The following NRXN3 variants were observed in gnomAD, a reference collection of about 807,000 sequenced individuals.
The protein encoded by NRXN3 is neurexin 3.
Under a neutral mutation model 137.6 loss-of-function variants are expected in NRXN3, and 32 were observed. The ratio of observed to expected loss-of-function variants is 0.23; its 90% CI spans 0.18 to 0.31. NRXN3 has a LOEUF of 0.31. Among genes scored for constraint, NRXN3 ranks in the 10% least tolerant of loss-of-function variants. The pLI is 1.00. For synonymous variants in NRXN3, 798 were observed against 784.5 expected (o/e 1.02, Z -0.29); for missense variants, 1,574 against 2,062.5 (o/e 0.76, Z 4.59).
chr14:79,289,921 T>C (rs2082887455), intron 15 of NRXN3, among the ~76,000 whole-genome samples: 1 of 152,138 alleles, frequency 6.6e-6, no homozygotes, highest in East Asian at 1.9e-4. Flanking sequence ...TTACCAGCTA[T>C]TGAGTGGCTA....
chr14:78,192,107 T>TGTGTGTGTGTGA (rs796435942), intron 1 of NRXN3, among the ~76,000 whole-genome samples: 6 of 140,424 alleles, frequency 4.3e-5, no homozygotes, highest in South Asian at 2.4e-4. Context: ...TGTGTGTGTG[T>TGTGTGTGTGTGA]GAGAGAGAGA....
chr14:79,251,713 G>A (rs1401381595), intron 15 of NRXN3, among the ~76,000 whole-genome samples: 2 of 152,056 alleles, frequency 1.3e-5, no homozygotes, highest in East Asian at 3.9e-4. Context: ...TTAAGTGACG[G>A]GTGATAGGAG....
intron 15 of NRXN3, among the ~76,000 whole-genome samples, chr14:79,103,494 G>A (rs773992742): frequency 2.0e-4 from 30 of 152,176 alleles, no homozygotes; most frequent in South Asian, 4.1e-4. Context: ...AGTTTTAAGC[G>A]CCTGGTAGAA....
intron 4 of NRXN3, among the ~76,000 whole-genome samples, chr14:78,316,496 A>T (rs923914250): frequency 6.6e-6 from 1 of 152,190 alleles, no homozygotes; most frequent in South Asian, 2.1e-4. Context: ...CTGCCTCTTT[A>T]TCTGAAAGGT....
chr14:79,342,345 TG>T (rs1471453026), intron 15 of NRXN3, among the ~76,000 whole-genome samples: 1 of 152,220 alleles, frequency 6.6e-6, no homozygotes, highest in Non-Finnish European at 1.5e-5. Context: ...TCCCCAGACT[TG>T]CTCTCCTGAT....
At chr14:79,587,056 G>C (rs1342795550) in intron 16 of NRXN3, among the ~76,000 whole-genome samples, 1 of 152,172 alleles carries the variant, frequency 6.6e-6, no homozygotes, top group African/African-American at 2.4e-5. Flanking sequence ...TTCTCACCAT[G>C]GTTGAGCCTT....
intron 15 of NRXN3, among the ~76,000 whole-genome samples, chr14:79,070,842 T>C (rs2152709509): frequency 6.6e-6 from 1 of 152,310 alleles, no homozygotes; most frequent in South Asian, 2.1e-4. Flanking sequence ...GTCCAGATTA[T>C]TTACAAAGAT....
At chr14:78,918,200 G>A (rs1380792937) in intron 10 of NRXN3, among the ~76,000 whole-genome samples, 5 of 145,328 alleles carry the variant, frequency 3.4e-5, no homozygotes, top group East Asian at 4.2e-4. Flanking sequence ...CGGGAGAATC[G>A]CTTGAACCTG....
At chr14:79,103,686 A>T (rs2051796108) in intron 15 of NRXN3, among the ~76,000 whole-genome samples, 1 of 152,118 alleles carries the variant, frequency 6.6e-6, no homozygotes, top group Non-Finnish European at 1.5e-5. Context: ...ATTAGGGAAT[A>T]AAAAAAGACC....
At position 79,000,138 on chromosome 14, in the gene NRXN3, C is replaced by T. The variant is rs183480712; in HGVS notation, c.3262+11997C>T. Among the ~76,000 whole-genome samples the T allele has an allele frequency of 3.3e-5, 5 of 152,256 alleles. No homozygotes were observed. The East Asian group carries it at 9.6e-4, about 29-fold the overall frequency. ...ATTGGTAAGAAACAATATCATCTAACTTCAGGCATTATTTCCTGGTAAATT... is the reference window on the plus strand; with the variant it reads ...ATTGGTAAGAAACAATATCATCTAATTTCAGGCATTATTTCCTGGTAAATT... On this transcript the variant is annotated intron_variant, in intron 15 of 20. Coordinates refer to ENST00000335750, the MANE Select transcript of NRXN3 (RefSeq NM_001330195.2).
At chr14:78,373,817 A>G (rs1258743538) in intron 4 of NRXN3, among the ~76,000 whole-genome samples, 1 of 152,216 alleles carries the variant, frequency 6.6e-6, no homozygotes, top group Non-Finnish European at 1.5e-5. Flanking sequence ...CTCATCACCC[A>G]CATATACTGT....
At chr14:78,614,024 G>C (rs1361929575) in intron 4 of NRXN3, among the ~76,000 whole-genome samples, 1 of 152,186 alleles carries the variant, frequency 6.6e-6, no homozygotes, top group Admixed American at 6.5e-5. Context: ...TTGTAGCTTA[G>C]AGATTATCTA....
chr14:78,481,752 A>C (rs1376106120), intron 4 of NRXN3, among the ~76,000 whole-genome samples: 1 of 152,204 alleles, frequency 6.6e-6, no homozygotes, highest in Non-Finnish European at 1.5e-5. Context: ...TTGTGGCAGC[A>C]ACCTGAGCTG....
At chr14:79,731,643 C>CTTT (rs530011034) in intron 19 of NRXN3, among the ~76,000 whole-genome samples, 14 of 140,098 alleles carry the variant, frequency 1.0e-4, no homozygotes, top group African/African-American at 3.4e-4. Context: ...TCCCTTCCTT[C>CTTT]TTTTTTTTTT....
chr14:79,627,866 G>C (rs541668102), intron 16 of NRXN3, among the ~76,000 whole-genome samples: 1 of 152,006 alleles, frequency 6.6e-6, no homozygotes, highest in East Asian at 1.9e-4. Context: ...TTTTTTTATA[G>C]TATATAGAGT....
chr14:78,190,321 A>G (rs897946491), intron 1 of NRXN3, among the ~76,000 whole-genome samples: 4 of 152,212 alleles, frequency 2.6e-5, no homozygotes, highest in Non-Finnish European at 4.4e-5. Context: ...TTGCAAAATA[A>G]CAACACAAAC....
intron 8 of NRXN3, among the ~76,000 whole-genome samples, chr14:78,730,909 T>C (rs1281391810): frequency 6.6e-6 from 1 of 152,192 alleles, no homozygotes; most frequent in Non-Finnish European, 1.5e-5. Context: ...AGATTGATGG[T>C]GGTGGCGTGA....
At chr14:78,213,340 T>G (rs1006707899) in intron 1 of NRXN3, among the ~76,000 whole-genome samples, 8 of 152,116 alleles carry the variant, frequency 5.3e-5, no homozygotes, top group Non-Finnish European at 1.2e-4. Flanking sequence ...AAAACAGGAT[T>G]GATTAGACAT....
chr14:79,303,152 C>T (rs1420088279), intron 15 of NRXN3, among the ~76,000 whole-genome samples: 4 of 152,004 alleles, frequency 2.6e-5, no homozygotes, highest in African/African-American at 9.7e-5. Flanking sequence ...CCTGCCTCTT[C>T]CAGGCTTGGG....
Sources: allele counts gnomAD v4.1 joint callset (sites outside exome capture counted in the v4.1 genomes callset), GRCh38; gene constraint gnomAD v4.1.1; transcripts MANE v1.5; gene names NCBI Gene and HGNC (gene_info 2026-07-23, HGNC 2026-07-21).